Variants in EP300 observed in about 807,000 individuals in gnomAD.
The protein encoded by EP300 is histone acetyltransferase p300.
In EP300, 31 loss-of-function variants were observed where a neutral mutation model predicts 264.0. That is an observed-to-expected ratio of 0.12 (90% CI 0.09 to 0.16). The LOEUF is 0.16. Ranked by LOEUF, EP300 falls within the 10% of genes least tolerant of loss-of-function variation. The pLI, the probability that EP300 is intolerant of heterozygous loss-of-function variation, is 1.00. For synonymous variants in EP300, 1,340 were observed against 1,045.4 expected (o/e 1.28, Z -5.44); for missense variants, 2,766 against 3,052.9 (o/e 0.91, Z 2.21).
At chr22:41,147,109 G>A (rs543584543) in intron 11 of EP300, among the ~76,000 whole-genome samples, 7 of 152,042 alleles carry the variant, frequency 4.6e-5, no homozygotes, top group African/African-American at 1.4e-4. Flanking sequence ...TACGAGACCA[G>A]CCTGGCCAAT....
chr22:41,150,635 T>C, intron 14 of EP300, among the ~76,000 whole-genome samples: 1 of 152,100 alleles, frequency 6.6e-6, no homozygotes, highest in East Asian at 1.9e-4. Context: ...ACACTTTTCA[T>C]CCTAGCACTT....
At position 41,179,190 on chromosome 22, in the gene EP300, C is replaced by A; in HGVS notation, c.*234C>A. On this transcript the variant is annotated 3_prime_UTR_variant, in exon 31 of 31. Transcript: ENST00000263253. ...TGGCTGGTTACCACCAGCCTTTCTT[C>A]CCCTTTGTGTGTGTGGTTCAAGTGT... 7.1e-6 allele frequency: 4 copies of A among 567,174 alleles called. No homozygotes were observed. The highest frequency in any genetic ancestry group is 1.2e-5 in the Non-Finnish European group (4 of 322,500). The allele number at this position is 567,174 out of a possible 1,614,324, so 35.1% of individuals were successfully genotyped here. A position where few individuals can be genotyped will look rare whatever the true frequency, so the allele number is the denominator to read the frequency against.
At position 41,172,969 on chromosome 22, in the gene EP300, T is replaced by C. The variant is rs1314074883; in HGVS notation, c.4617+306T>C. ...TATCTGAAGGACTAGGTTATGAATA[T>C]TATAGGCCTTGTGGGTCACATATCT... is the stretch of plus-strand genomic sequence containing the variant. On this transcript the variant is annotated intron_variant, in intron 28 of 30. Coordinates refer to ENST00000263253, the MANE Select transcript of EP300 (RefSeq NM_001429.4). Among the ~76,000 whole-genome samples, 3 of 152,208 alleles carry C rather than the reference T, an allele frequency of 2.0e-5. No individual in the cohort carries two copies. The East Asian group carries it at 5.8e-4, about 29-fold the overall frequency.
chr22:41,153,102 T>A (rs1177250878), intron 16 of EP300, among the ~76,000 whole-genome samples: 2 of 152,150 alleles, frequency 1.3e-5, no homozygotes, highest in Non-Finnish European at 2.9e-5. Context: ...GCCTGAAGCT[T>A]AGCAAAGTTA....
At chr22:41,155,245 T>C (rs562512182) in intron 17 of EP300, 132 bp downstream of exon 17, 2 of 805,718 alleles carry the variant, frequency 2.5e-6, no homozygotes, top group South Asian at 1.5e-5. Flanking sequence ...TTTTTCCCCC[T>C]GAGACAGGGT....
intron 17 of EP300, among the ~76,000 whole-genome samples, chr22:41,155,630 T>C (rs2145745504): frequency 6.6e-6 from 1 of 152,298 alleles, no homozygotes; most frequent in Non-Finnish European, 1.5e-5. Context: ...TCACTCACTA[T>C]TTTCTCCCAT....
At chr22:41,154,373 ACT>A (rs2059064206) in intron 16 of EP300, among the ~76,000 whole-genome samples, 1 of 60,166 alleles carries the variant, frequency 1.7e-5, no homozygotes, top group Non-Finnish European at 3.1e-5. Flanking sequence ...TATCTTGTGC[ACT>A]CTTTTTTTTT....
chr22:41,170,289 G>C, intron 26 of EP300, 117 bp from the exon 27 acceptor site: 1 of 948,594 alleles, frequency 1.1e-6, no homozygotes, highest in Non-Finnish European at 1.6e-6. Flanking sequence ...TATATACACT[G>C]TGTTATCTTG....
intron 16 of EP300, 111 bp downstream of exon 16, chr22:41,152,461 T>G: frequency 7.6e-7 from 1 of 1,308,402 alleles, no homozygotes. Context: ...TGTGATTTCA[T>G]TAACCTGGAA....
chr22:41,149,643 A>G, intron 13 of EP300, 118 bp from the exon 14 acceptor site: 1 of 1,059,724 alleles, frequency 9.4e-7, no homozygotes, highest in Middle Eastern at 2.2e-4. Flanking sequence ...TTTGAAATAG[A>G]CACATTGCTA....
chr22:41,167,817 T>G (rs1222351929), intron 23 of EP300, among the ~76,000 whole-genome samples: 3 of 41,356 alleles, frequency 7.3e-5, no homozygotes, highest in Admixed American at 4.0e-4. Context: ...TGTTTTTGTT[T>G]TTTTTTTTGT....
At chr22:41,117,092 G>A in intron 1 of EP300, 95 bp from the exon 2 acceptor site, 1 of 1,105,326 alleles carries the variant, frequency 9.0e-7, no homozygotes, top group Non-Finnish European at 1.4e-6. Flanking sequence ...GTGAGGTTGG[G>A]AAATGACATT....
intron 2 of EP300, among the ~76,000 whole-genome samples, 187 bp downstream of exon 2, chr22:41,118,008 A>C (rs1278195629): frequency 6.6e-6 from 1 of 152,224 alleles, no homozygotes; most frequent in African/African-American, 2.4e-5. Context: ...GGTATTCTAT[A>C]ACTTCATACT....
chr22:41,113,201 A>T (rs1003871649), intron 1 of EP300, among the ~76,000 whole-genome samples: 1 of 130,994 alleles, frequency 7.6e-6, no homozygotes, highest in Non-Finnish European at 1.6e-5. Context: ...AGAAACTGGG[A>T]CATTCCATAT....
intron 1 of EP300, among the ~76,000 whole-genome samples, chr22:41,114,562 C>G (rs569291834): frequency 1.3e-5 from 2 of 152,206 alleles, no homozygotes; most frequent in South Asian, 4.2e-4. Context: ...CTAAATTATG[C>G]CCTGAGATCT....
chr22:41,139,333 TAATAA>T (rs887798992), intron 8 of EP300, among the ~76,000 whole-genome samples: 19 of 152,224 alleles, frequency 1.2e-4, no homozygotes, highest in Non-Finnish European at 1.5e-5. Context: ...ATTATTCCTT[TAATAA>T]AGAATAACCG....
At position 41,160,905 on chromosome 22, in the gene EP300, A is replaced by C. The variant is rs146677967; in HGVS notation, c.3671+183A>C. ...TATCACATGGAATACTCACATTTCAACTGTTCAGTAGCTATCTGTGTCTGG... is the reference window on the plus strand; with the variant it reads ...TATCACATGGAATACTCACATTTCACCTGTTCAGTAGCTATCTGTGTCTGG... On this transcript the variant is annotated intron_variant, in intron 20 of 30. Transcript: ENST00000263253. 4.6e-3 allele frequency among the ~76,000 whole-genome samples: 695 copies of C among 152,320 alleles called. 8 individuals carry two copies. The highest frequency in any genetic ancestry group is 0.037 in the Middle Eastern group (11 of 294).
rs2059184844 is a variant in EP300, at chr22:41,173,860, C to T, written c.4779+76C>T. 2.5e-6 allele frequency: 4 copies of T among 1,587,742 alleles called. No homozygotes were observed. In the Admixed American group the frequency reaches 6.7e-5, roughly 27 times the overall value. ...GGCATGGTGGCTCACACCTGTAATC[C>T]CAGCACTTTGGGAGGCCAAGGCGGG... is the stretch of plus-strand genomic sequence containing the variant. On this transcript the variant is annotated intron_variant, in intron 29 of 30. Transcript: ENST00000263253.
intron 9 of EP300, among the ~76,000 whole-genome samples, chr22:41,140,827 G>A (rs2058978074): frequency 6.6e-6 from 1 of 152,150 alleles, no homozygotes; most frequent in Non-Finnish European, 1.5e-5. Flanking sequence ...GTTACCAGCT[G>A]TGTTCTCTTT....
Sources: gnomAD v4.1 joint callset for allele counts (sites outside exome capture counted in the v4.1 genomes callset) on GRCh38, gnomAD v4.1.1 for gene constraint, MANE v1.5 for transcripts, NCBI Gene and HGNC (gene_info 2026-07-23, HGNC 2026-07-21) for gene names.